The following COL6A6 variants were observed in gnomAD, a reference collection of about 807,000 sequenced individuals.
The protein encoded by COL6A6 is collagen alpha-6(VI) chain.
In COL6A6, 183 loss-of-function variants were observed where a neutral mutation model predicts 208.6. The ratio of observed to expected loss-of-function variants is 0.88; its 90% CI spans 0.78 to 0.99. The LOEUF is 0.99. COL6A6 is among the 50% of genes least tolerant of loss of function. The pLI, the probability that COL6A6 is intolerant of heterozygous loss-of-function variation, is 0.00. For missense variants in COL6A6, 2,816 were observed against 2,815.2 expected, an observed-to-expected ratio of 1.00 and a Z score of -0.01; for synonymous variants, 973 against 1,011.8, an observed-to-expected ratio of 0.96 and a Z score of 0.73.
chr3:130,594,473 T>G, intron 18 of COL6A6, 130 bp downstream of exon 18: 1 of 689,192 alleles, frequency 1.5e-6, no homozygotes, highest in Non-Finnish European at 2.5e-6. Context: ...TTGTAACATT[T>G]TAAATTCAGG....
chr3:130,662,444 T>C, intron 35 of COL6A6, 136 bp downstream of exon 35: 2 of 782,766 alleles, frequency 2.6e-6, no homozygotes, highest in Non-Finnish European at 4.1e-6. Flanking sequence ...GAAAGGAAAA[T>C]ATATAATGAC....
At chr3:130,627,478 C>G in intron 26 of COL6A6, 109 bp downstream of exon 26, 1 of 870,802 alleles carries the variant, frequency 1.1e-6, no homozygotes, top group Non-Finnish European at 1.9e-6. Flanking sequence ...CAATCTTGGA[C>G]AGTTAGAAAT....
chr3:130,626,108 C>CT (rs1053513487), intron 24 of COL6A6, among the ~76,000 whole-genome samples: 1 of 152,162 alleles, frequency 6.6e-6, no homozygotes, highest in African/African-American at 2.4e-5. Context: ...CCTTGGTTAA[C>CT]TTGATTCTCC....
chr3:130,662,696 G>T (rs2065967985), intron 35 of COL6A6, among the ~76,000 whole-genome samples: 1 of 151,998 alleles, frequency 6.6e-6, no homozygotes, highest in South Asian at 2.1e-4. Context: ...ATCTGTTAAG[G>T]CACCAAAAAA....
intron 10 of COL6A6, among the ~76,000 whole-genome samples, chr3:130,586,234 T>C (rs1297507425): frequency 6.6e-6 from 1 of 152,258 alleles, no homozygotes; most frequent in Non-Finnish European, 1.5e-5. Flanking sequence ...GTAGATCTTT[T>C]AGAACTGTCT....
rs751349510 is a variant in COL6A6, at chr3:130,563,232, AG to A, written c.230del (p.Ser77MetfsTer5). 8.7e-6 allele frequency: 14 copies of A among 1,614,048 alleles called. No homozygotes were observed. The highest frequency in any genetic ancestry group is 1.2e-5 in the Non-Finnish European group (14 of 1,179,894). ...GGCCCAGTACAGTGATAAACTTCAC[AG>A]TGAATTCCACCTGAGCACCTTCAAA... The part of the protein sequence containing the change: ...ALAQYSDKLH[S>X]EFHLSTFKGR... On this transcript the variant is annotated frameshift_variant, in exon 3 of 37. Coordinates refer to ENST00000358511, the MANE Select transcript of COL6A6 (RefSeq NM_001102608.3). LOFTEE classifies it high-confidence loss of function.
intron 34 of COL6A6, among the ~76,000 whole-genome samples, chr3:130,659,291 G>A (rs760687666): frequency 6.6e-6 from 1 of 152,172 alleles, no homozygotes; most frequent in Non-Finnish European, 1.5e-5. Flanking sequence ...TGATTTATTT[G>A]TAGTGTTTTA....
chr3:130,553,955 A>G (rs2062707978), intron 1 of COL6A6, among the ~76,000 whole-genome samples: 4 of 151,852 alleles, frequency 2.6e-5, no homozygotes, highest in African/African-American at 9.7e-5. Context: ...TTTCTGGAAG[A>G]TTCTAGGGGG....
At chr3:130,592,968 A>G in intron 15 of COL6A6, 93 bp from the exon 16 acceptor site, 1 of 1,162,496 alleles carries the variant, frequency 8.6e-7, no homozygotes, top group Non-Finnish European at 1.3e-6. Context: ...AGGAGGCTGT[A>G]TGTGAAACAC....
At position 130,649,593 on chromosome 3, in the gene COL6A6, TCTTA is replaced by T. The variant is rs2065574742; in HGVS notation, c.5733+36_5733+39del. ...AGGATGAAACCTTTCACATGACAAT[TCTTA>T]CTTATCTTGCCTGTATTCAGAAGCC... On this transcript the variant is annotated intron_variant, in intron 33 of 36. Transcript: ENST00000358511. The T allele has an allele frequency of 3.3e-6, 5 of 1,518,258 alleles. No homozygotes were observed. The African/African-American group carries it at 4.1e-5, about 12-fold the overall frequency. The allele number at this position is 1,518,258 out of a possible 1,614,324, so 94.0% of individuals were successfully genotyped here.
At position 130,563,525 on chromosome 3, in the gene COL6A6, G is replaced by C. The variant is rs750837479; in HGVS notation, c.522G>C (p.Leu174=). The part of the protein sequence containing the change: ...VGVQKASEEN[L]KAMATSQFHF... ...TGCAGAAAGCTTCTGAGGAAAACCT[G>C]AAGGCCATGGCCACGTCTCAGTTTC... The change falls in exon 3 of 37, where the codon CTG becomes CTC. Residue 174 remains leucine (L), a synonymous_variant. Coordinates refer to ENST00000358511, the MANE Select transcript of COL6A6 (RefSeq NM_001102608.3). 8.1e-6 allele frequency: 13 copies of C among 1,613,860 alleles called. No homozygotes were observed. The highest frequency in any genetic ancestry group is 1.3e-5 in the African/African-American group (1 of 74,920).
At chr3:130,654,115 T>TA (rs1163129641) in intron 33 of COL6A6, among the ~76,000 whole-genome samples, 14 of 152,288 alleles carry the variant, frequency 9.2e-5, no homozygotes, top group Admixed American at 4.6e-4. Context: ...GACCTACTGA[T>TA]AAAAAACTCT....
chr3:130,670,912 A>ATT (rs1417170289), intron 36 of COL6A6, among the ~76,000 whole-genome samples: 1 of 152,182 alleles, frequency 6.6e-6, no homozygotes, highest in Non-Finnish European at 1.5e-5. Flanking sequence ...GCGTTGGTAT[A>ATT]TTTTATGTGT....
chr3:130,588,656 C>T (rs2063597865), intron 11 of COL6A6, among the ~76,000 whole-genome samples: 1 of 152,036 alleles, frequency 6.6e-6, no homozygotes, highest in Non-Finnish European at 1.5e-5. Flanking sequence ...TCTAGCATAC[C>T]AAGATTTCAC....
intron 34 of COL6A6, among the ~76,000 whole-genome samples, chr3:130,660,366 A>G (rs1429437864): frequency 6.6e-6 from 1 of 152,216 alleles, no homozygotes; most frequent in Non-Finnish European, 1.5e-5. Flanking sequence ...CCAAAGTCAC[A>G]TCTTTATTGA....
intron 23 of COL6A6, among the ~76,000 whole-genome samples, chr3:130,619,825 G>C (rs2064656349): frequency 1.3e-5 from 2 of 152,184 alleles, no homozygotes; most frequent in Admixed American, 1.3e-4. Context: ...CTCAATGGTA[G>C]TAAAGGGTGA....
chr3:130,675,638 G>GT lies in COL6A6; in HGVS notation c.*245dup. 1 of 376,888 alleles carries GT rather than the reference G, an allele frequency of 2.7e-6. No homozygotes were observed. Among genetic ancestry groups the GT allele is most frequent in the Non-Finnish European group, 4.8e-6 (1 of 210,118 alleles). The allele number at this position is 376,888 out of a possible 1,614,324, so 23.3% of individuals were successfully genotyped here. A position where few individuals can be genotyped will look rare whatever the true frequency, so the allele number is the denominator to read the frequency against. On this transcript the variant is annotated 3_prime_UTR_variant, in exon 37 of 37. Coordinates refer to ENST00000358511, the MANE Select transcript of COL6A6 (RefSeq NM_001102608.3). ...TAGAAGACAGAAGAATGAAAGAAGTGTTTTGAAAAGTCTAATGGAGATATA... is the reference window on the plus strand; with the variant it reads ...TAGAAGACAGAAGAATGAAAGAAGTGTTTTTGAAAAGTCTAATGGAGATATA...
intron 20 of COL6A6, 97 bp from the exon 21 acceptor site, chr3:130,606,834 T>C (rs1487786840): frequency 1.2e-6 from 1 of 846,324 alleles, no homozygotes. Flanking sequence ...GGAATTGTTA[T>C]GTATGTTGGT....
At chr3:130,542,211 T>C (rs1211710848) in intron 1 of COL6A6, among the ~76,000 whole-genome samples, 3 of 152,050 alleles carry the variant, frequency 2.0e-5, no homozygotes, top group Non-Finnish European at 4.4e-5. Context: ...ATTCACTGCG[T>C]CACACAAATT....
Sources: gnomAD v4.1 joint callset for allele counts (sites outside exome capture counted in the v4.1 genomes callset) on GRCh38, gnomAD v4.1.1 for gene constraint, MANE v1.5 for transcripts, NCBI Gene and HGNC (gene_info 2026-07-23, HGNC 2026-07-21) for gene names.